Variants in SOS1 observed in about 807,000 individuals in gnomAD.
SOS1 encodes son of sevenless homolog 1.
Under a neutral mutation model 157.6 loss-of-function variants are expected in SOS1, and 25 were observed. The observed-to-expected ratio is 0.16, with a 90% CI of 0.12 to 0.22. The LOEUF (loss-of-function observed/expected upper bound fraction) is 0.22, where lower values mean the gene tolerates loss of function less well. Ranked by LOEUF, SOS1 falls within the 10% of genes least tolerant of loss-of-function variation. The pLI, the probability that SOS1 is intolerant of heterozygous loss-of-function variation, is 1.00. For missense variants in SOS1, 1,237 were observed against 1,599.1 expected (o/e 0.77, Z 3.86); for synonymous variants, 528 against 534.0 (o/e 0.99, Z 0.16).
At chr2:39,036,866 C>T (rs940968395) in intron 6 of SOS1, among the ~76,000 whole-genome samples, 9 of 152,012 alleles carry the variant, frequency 5.9e-5, no homozygotes, top group East Asian at 1.9e-4. Context: ...TGAGCCACCG[C>T]GCCCGGCCTG....
At chr2:38,989,175 C>G (rs1572798945) in intron 21 of SOS1, 95 bp downstream of exon 21, 1 of 838,246 alleles carries the variant, frequency 1.2e-6, no homozygotes, top group East Asian at 2.5e-5. Flanking sequence ...ACCAATGCTG[C>G]CAGACCCAAG....
At chr2:39,073,173 G>C (rs528389923) in intron 1 of SOS1, among the ~76,000 whole-genome samples, 2 of 152,306 alleles carry the variant, frequency 1.3e-5, no homozygotes, top group African/African-American at 4.8e-5. Context: ...ATACAGAATA[G>C]GTTACCCTGT....
intron 1 of SOS1, among the ~76,000 whole-genome samples, chr2:39,082,323 T>G (rs534559619): frequency 6.6e-5 from 10 of 152,222 alleles, no homozygotes; most frequent in Non-Finnish European, 1.3e-4. Context: ...AGCAGTATAG[T>G]AGGCATCTGG....
chr2:39,010,369 A>G (rs754109849), intron 15 of SOS1, among the ~76,000 whole-genome samples: 8 of 151,510 alleles, frequency 5.3e-5, no homozygotes, highest in Non-Finnish European at 1.2e-4. Context: ...GGTGAGTGTG[A>G]TATCACACAC....
At chr2:39,104,867 T>C (rs1299863312) in intron 1 of SOS1, among the ~76,000 whole-genome samples, 3 of 152,162 alleles carry the variant, frequency 2.0e-5, no homozygotes, top group South Asian at 2.1e-4. Flanking sequence ...AAGAGGTAAA[T>C]TGGTAGAGAC....
At chr2:38,990,132 A>G (rs1668684806) in intron 20 of SOS1, among the ~76,000 whole-genome samples, 1 of 151,694 alleles carries the variant, frequency 6.6e-6, no homozygotes, top group Non-Finnish European at 1.5e-5. Flanking sequence ...GACTAAAATA[A>G]TACTAGACTG....
chr2:38,984,373 T>C lies in SOS1; in HGVS notation c.*1451A>G, dbSNP rs765682952. On this transcript the variant is annotated 3_prime_UTR_variant, in exon 23 of 23. Transcript: ENST00000402219. ...GCTTTATGAATAATCCATATTATGATAGTAATGATGCAGGTAGATGTTCTA... is the reference window on the plus strand; with the variant it reads ...GCTTTATGAATAATCCATATTATGACAGTAATGATGCAGGTAGATGTTCTA... The C allele has an allele frequency of 7.2e-5, 11 of 152,196 alleles. No individual in the cohort carries two copies. The highest frequency in any genetic ancestry group is 1.3e-4 in the Admixed American group (2 of 15,270). The allele number at this position is 152,196 out of a possible 1,614,324, so 9.4% of individuals were successfully genotyped here.
In SOS1 at chr2:39,023,159, G is replaced by C. The variant is rs138459502; in HGVS notation, c.1269C>G (p.Asn423Lys). 1.2e-6 allele frequency: 2 copies of C among 1,612,664 alleles called. No homozygotes were observed. The highest frequency in any genetic ancestry group is 2.7e-5 in the African/African-American group (2 of 74,790). ...KGKQLAIKKM[N>K]EIQKNIDGWE... Reference sequence around the variant, plus strand: ...AACCATCAATATTCTTCTGAATCTCGTTCATCTTCTTGATTGCTAGTTGTT... The same window carrying C: ...AACCATCAATATTCTTCTGAATCTCCTTCATCTTCTTGATTGCTAGTTGTT... The change falls in exon 10 of 23, where the codon AAC becomes AAG. Residue 423 changes from asparagine (N) to lysine (K), a missense_variant. Physicochemically the swap from Asn to Lys is moderately conservative, Grantham distance 94. Around this residue, in one of 15 missense-constraint regions of SOS1, gnomAD observed 210 missense variants for 220.2 expected, o/e 0.95. Transcript: ENST00000402219.
intron 1 of SOS1, among the ~76,000 whole-genome samples, chr2:39,086,515 C>G (rs972758985): frequency 6.6e-6 from 1 of 152,164 alleles, no homozygotes; most frequent in African/African-American, 2.4e-5. Context: ...GTAAGCAAGC[C>G]TGAATTACAT....
intron 6 of SOS1, among the ~76,000 whole-genome samples, chr2:39,044,283 C>T (rs11691035): frequency 0.78 from 118,344 of 152,042 alleles, 48,478 homozygotes; most frequent in Non-Finnish European, 0.91. Context: ...ACCTGGGAGG[C>T]GGAGGTTGCA....
chr2:39,119,244 A>C (rs1325821589), intron 1 of SOS1, among the ~76,000 whole-genome samples: 1 of 152,240 alleles, frequency 6.6e-6, no homozygotes, highest in Non-Finnish European at 1.5e-5. Flanking sequence ...CTAGTCAGAC[A>C]CTTGAAGGGG....
Position 39,054,667 on chromosome 2 carries a change from T to C in SOS1, c.667A>G (p.Ile223Val), listed in dbSNP as rs759955925. ...RQYIRELNLI[I>V]KVFREPFVSN... Reference sequence around the variant, plus strand: ...ACAAAGGGCTCTCTAAAAACTTTTATAATTAGATTTAGTTCCCTTATATAT... The same window carrying C: ...ACAAAGGGCTCTCTAAAAACTTTTACAATTAGATTTAGTTCCCTTATATAT... Residue 223 changes from isoleucine (I) to valine (V), a missense_variant, in exon 5 of 23, where the codon ATA becomes GTA. Ile to Val is a conservative substitution (Grantham distance 29). Around this residue, in one of 15 missense-constraint regions of SOS1, gnomAD observed 108 missense variants for 115.3 expected, o/e 0.94. Transcript: ENST00000402219. The C allele has an allele frequency of 6.3e-7, 1 of 1,598,382 alleles. No individual in the cohort carries two copies.
At chr2:39,115,101 T>C (rs1673595515) in intron 1 of SOS1, among the ~76,000 whole-genome samples, 1 of 152,188 alleles carries the variant, frequency 6.6e-6, no homozygotes, top group Non-Finnish European at 1.5e-5. Context: ...TGTGGTCTCA[T>C]CTACTTTTTA....
intron 19 of SOS1, 29 bp from the exon 20 acceptor site, chr2:38,995,416 C>G (rs370033080): frequency 8.8e-6 from 14 of 1,587,532 alleles, no homozygotes; most frequent in Non-Finnish European, 1.2e-5. Context: ...AAACACAATA[C>G]TTTAAACACT....
At chr2:39,030,281 A>T (rs1438594987) in intron 8 of SOS1, among the ~76,000 whole-genome samples, 2 of 151,454 alleles carry the variant, frequency 1.3e-5, no homozygotes, top group African/African-American at 2.4e-5. Context: ...GGGAAAGAAA[A>T]GGCTGGGTGC....
intron 8 of SOS1, among the ~76,000 whole-genome samples, chr2:39,028,309 C>G (rs1670036054): frequency 6.6e-6 from 1 of 152,020 alleles, no homozygotes; most frequent in Non-Finnish European, 1.5e-5. Context: ...ATGTAAGGAG[C>G]TGTCAAAAGA....
intron 1 of SOS1, among the ~76,000 whole-genome samples, chr2:39,116,603 G>A (rs1673659101): frequency 6.6e-6 from 1 of 152,208 alleles, no homozygotes; most frequent in African/African-American, 2.4e-5. Context: ...GGGCACAGTG[G>A]CTCACCCTGT....
intron 6 of SOS1, among the ~76,000 whole-genome samples, chr2:39,038,468 G>C (rs1670434447): frequency 6.6e-6 from 1 of 151,920 alleles, no homozygotes; most frequent in Non-Finnish European, 1.5e-5. Flanking sequence ...GGGCGCGGTG[G>C]CTCACGCCTG....
At chr2:39,092,251 G>A (rs1389723006) in intron 1 of SOS1, among the ~76,000 whole-genome samples, 7 of 152,078 alleles carry the variant, frequency 4.6e-5, no homozygotes, top group Non-Finnish European at 1.0e-4. Context: ...TCAGGCTGGA[G>A]TGTAGTGGGA....
Sources: allele counts gnomAD v4.1 joint callset (sites outside exome capture counted in the v4.1 genomes callset), GRCh38; gene constraint gnomAD v4.1.1; regional missense constraint gnomAD v4.1.1; transcripts MANE v1.5; gene names NCBI Gene and HGNC (gene_info 2026-07-23, HGNC 2026-07-21).